The following CCDC181 variants were observed in gnomAD, a reference collection of about 807,000 sequenced individuals.
The protein encoded by CCDC181 is coiled-coil domain containing 181.
CCDC181 carries 35 observed loss-of-function variants against 58.7 expected under a neutral mutation model. The ratio of observed to expected loss-of-function variants is 0.60; its 90% confidence interval spans 0.46 to 0.79. The LOEUF (loss-of-function observed/expected upper bound fraction) is 0.79, where lower values mean the gene tolerates loss of function less well. Among genes scored for constraint, CCDC181 ranks in the 30% least tolerant of loss-of-function variants. The probability of loss-of-function intolerance (pLI) is 0.00; values close to 1 mark genes in which losing one functional copy is unlikely to be tolerated. For synonymous variants in CCDC181, 183 were observed against 197.5 expected (o/e 0.93, Z 0.62); for missense variants, 517 against 583.9 (o/e 0.89, Z 1.18).
chr1:169,446,138 C>T (rs1365635505), intron 2 of CCDC181, among the ~76,000 whole-genome samples: 2 of 151,964 alleles, frequency 1.3e-5, no homozygotes, highest in African/African-American at 4.8e-5. Context: ...TCTTCTGCTT[C>T]CTTTAGGTTT....
intron 1 of CCDC181, among the ~76,000 whole-genome samples, chr1:169,427,087 A>G (rs1474126718): frequency 6.6e-6 from 1 of 152,174 alleles, no homozygotes; most frequent in Non-Finnish European, 1.5e-5. Flanking sequence ...TACATAGTGA[A>G]GAAAGGTGTT....
intron 1 of CCDC181, 142 bp from the exon 2 acceptor site, chr1:169,425,092 C>T: frequency 4.7e-6 from 2 of 424,766 alleles, no homozygotes; most frequent in South Asian, 5.2e-5. Context: ...CTTGAATACA[C>T]CATGAAAGAG....
chr1:169,459,710 C>CTT (rs1657785163), intron 2 of CCDC181: 1 of 151,654 alleles, frequency 6.6e-6, no homozygotes, highest in Admixed American at 6.6e-5. Flanking sequence ...GGGATACGGC[C>CTT]TTTTACTTAG....
At chr1:169,401,508 AG>A (rs1044309371) in intron 4 of CCDC181, among the ~76,000 whole-genome samples, 43 of 152,236 alleles carry the variant, frequency 2.8e-4, no homozygotes, top group African/African-American at 9.9e-4. Flanking sequence ...GCTGTTCTGC[AG>A]CCTCTGCTGG....
At chr1:169,423,169 C>T (rs1204096436) in intron 2 of CCDC181, among the ~76,000 whole-genome samples, 1 of 151,410 alleles carries the variant, frequency 6.6e-6, no homozygotes, top group Admixed American at 6.6e-5. Context: ...AATCACTTTC[C>T]TCCTTCATTT....
At chr1:169,445,690 A>G (rs956964038) in intron 2 of CCDC181, among the ~76,000 whole-genome samples, 2 of 152,128 alleles carry the variant, frequency 1.3e-5, no homozygotes, top group African/African-American at 2.4e-5. Context: ...TTTCTAGAAG[A>G]GATTGTGGAG....
intron 2 of CCDC181, among the ~76,000 whole-genome samples, chr1:169,422,812 C>A (rs1221511862): frequency 6.6e-6 from 1 of 151,752 alleles, no homozygotes; most frequent in Non-Finnish European, 1.5e-5. Flanking sequence ...CTATAATCTG[C>A]AGGACCTATC....
At position 169,415,942 on chromosome 1, in the gene CCDC181, T is replaced by A. The variant is rs540111363; in HGVS notation, c.1215+3071A>T. 1.2e-4 allele frequency among the ~76,000 whole-genome samples: 19 copies of A among 152,334 alleles called. 1 individual carries two copies. In the East Asian group the frequency reaches 3.5e-3, roughly 28 times the overall value. ...CCCAACTTTTCTCCTGAAAACCGGA[T>A]AAATTTCTCCAACTAATCTTCAATA... On this transcript the variant is annotated intron_variant, in intron 4 of 5. Coordinates refer to ENST00000367806, the MANE Select transcript of CCDC181 (RefSeq NM_001300969.2).
chr1:169,433,044 G>T (rs1656962168), intron 2 of CCDC181, among the ~76,000 whole-genome samples: 1 of 152,020 alleles, frequency 6.6e-6, no homozygotes, highest in African/African-American at 2.4e-5. Context: ...AAAGGAAGAA[G>T]TGAAATTATC....
intron 2 of CCDC181, among the ~76,000 whole-genome samples, chr1:169,439,802 T>C (rs1657160403): frequency 6.6e-6 from 1 of 152,070 alleles, no homozygotes; most frequent in African/African-American, 2.4e-5. Flanking sequence ...CTCAGAGGGA[T>C]AGGTGGGAAG....
chr1:169,395,444 C>T (rs1180179929), intron 5 of CCDC181, among the ~76,000 whole-genome samples: 1 of 152,096 alleles, frequency 6.6e-6, no homozygotes, highest in East Asian at 1.9e-4. Flanking sequence ...ATGAAACTGC[C>T]AACTTAATTG....
Position 169,422,253 on chromosome 1 carries a change from C to T in CCDC181, c.178G>A (p.Glu60Lys). 1 of 1,607,164 alleles carries T rather than the reference C, an allele frequency of 6.2e-7. No individual in the cohort carries two copies. Among genetic ancestry groups the T allele is most frequent in the Non-Finnish European group, 8.5e-7 (1 of 1,174,686 alleles). ...GGATCAGAATGCCGTTTGGTGTGCT[C>T]CATTACTGTCTCATTCTCTTTTAAG... ...QDLKENETVM[E>K]HTKRHSDPDK... Residue 60 changes from glutamate (E) to lysine (K), a missense_variant, in exon 3 of 6, where the codon GAG becomes AAG. Coordinates refer to ENST00000367806, the MANE Select transcript of CCDC181 (RefSeq NM_001300969.2).
chr1:169,413,085 G>A (rs992857791), intron 4 of CCDC181, among the ~76,000 whole-genome samples: 1 of 152,098 alleles, frequency 6.6e-6, no homozygotes, highest in Admixed American at 6.5e-5. Flanking sequence ...GAGTGAACAG[G>A]CGACCTACAG....
intron 2 of CCDC181, among the ~76,000 whole-genome samples, chr1:169,423,498 C>CT (rs1426748829): frequency 2.0e-5 from 3 of 151,978 alleles, no homozygotes; most frequent in African/African-American, 7.2e-5. Flanking sequence ...TTATGTGTCT[C>CT]TAGCTCAGTC....
intron 4 of CCDC181, among the ~76,000 whole-genome samples, chr1:169,417,314 G>C (rs1656258073): frequency 6.6e-6 from 1 of 152,180 alleles, no homozygotes; most frequent in Non-Finnish European, 1.5e-5. Context: ...TGCCAGGGTG[G>C]GGAGTGGTGG....
At position 169,421,371 on chromosome 1, in the gene CCDC181, T is replaced by C; in HGVS notation, c.1060A>G (p.Lys354Glu). ...KQLEEKREKL[K>E]REEERRKIEE... The stretch of plus-strand genomic sequence containing the variant: ...CCCACTTAGGTTCTCACCTCTCTTT[T>C]CAGTTTTTCTCTCTTTTCTTCTAGT... Residue 354 changes from lysine (K) to glutamate (E), a missense_variant, in exon 3 of 6, where the codon AAA becomes GAA. Physicochemically the swap from Lys to Glu is moderately conservative, Grantham distance 56. Transcript: ENST00000367806. 1 of 1,604,272 alleles carries C rather than the reference T, an allele frequency of 6.2e-7. No individual in the cohort carries two copies. Among genetic ancestry groups the C allele is most frequent in the Admixed American group, 1.7e-5 (1 of 59,398 alleles).
At chr1:169,408,253 T>A (rs979287223) in intron 4 of CCDC181, among the ~76,000 whole-genome samples, 7 of 152,188 alleles carry the variant, frequency 4.6e-5, no homozygotes, top group African/African-American at 1.7e-4. Context: ...CCACCATTAC[T>A]GAGGCTTGAG....
At chr1:169,399,137 G>A (rs1655207628) in intron 4 of CCDC181, among the ~76,000 whole-genome samples, 1 of 152,144 alleles carries the variant, frequency 6.6e-6, no homozygotes, top group Non-Finnish European at 1.5e-5. Flanking sequence ...AGAAGCCATT[G>A]GGGGTTTCTG....
chr1:169,417,547 C>G (rs1432971442), intron 4 of CCDC181, among the ~76,000 whole-genome samples: 1 of 152,120 alleles, frequency 6.6e-6, no homozygotes, highest in Non-Finnish European at 1.5e-5. Flanking sequence ...TCTCTGAACC[C>G]TGCAGCTTGG....
Sources: allele counts gnomAD v4.1 joint callset (sites outside exome capture counted in the v4.1 genomes callset), GRCh38; gene constraint gnomAD v4.1.1; transcripts MANE v1.5; gene names NCBI Gene and HGNC (gene_info 2026-07-23, HGNC 2026-07-21).